Variants in RERE observed in about 807,000 individuals in gnomAD.
RERE encodes arginine-glutamic acid dipeptide repeats protein.
RERE carries 40 observed loss-of-function variants against 146.1 expected under a neutral mutation model. The ratio of observed to expected loss-of-function variants is 0.27; its 90% CI spans 0.21 to 0.36. The LOEUF (loss-of-function observed/expected upper bound fraction) is 0.36, where lower values mean the gene tolerates loss of function less well. Among genes scored for constraint, RERE ranks in the 10% least tolerant of loss-of-function variants. RERE has a pLI of 1.00. For synonymous variants in RERE, 1,003 were observed against 866.0 expected, an observed-to-expected ratio of 1.16 and a Z score of -2.78; for missense variants, 1,933 against 2,138.7, an observed-to-expected ratio of 0.90 and a Z score of 1.90.
intron 4 of RERE, among the ~76,000 whole-genome samples, chr1:8,587,855 C>T (rs547680324): frequency 6.6e-6 from 1 of 152,308 alleles, no homozygotes; most frequent in Non-Finnish European, 1.5e-5. Context: ...ACCTTAAAAG[C>T]TCGTACTTTG....
At chr1:8,586,968 A>G (rs1236762243) in intron 4 of RERE, among the ~76,000 whole-genome samples, 2 of 152,200 alleles carry the variant, frequency 1.3e-5, no homozygotes, top group African/African-American at 4.8e-5. Context: ...AAATTTAAGA[A>G]TAATTCGGAA....
intron 12 of RERE, among the ~76,000 whole-genome samples, chr1:8,374,988 C>T (rs1642185117): frequency 6.6e-6 from 1 of 152,158 alleles, no homozygotes; most frequent in Non-Finnish European, 1.5e-5. Flanking sequence ...CACTCCCCCA[C>T]CACTGGATGG....
intron 1 of RERE, among the ~76,000 whole-genome samples, chr1:8,683,592 A>G (rs1283016433): frequency 6.6e-6 from 1 of 152,184 alleles, no homozygotes; most frequent in Non-Finnish European, 1.5e-5. Context: ...CACAGAAAAT[A>G]TTCATTTATG....
intron 11 of RERE, 78 bp downstream of exon 11, chr1:8,465,847 A>G: frequency 8.4e-7 from 1 of 1,192,164 alleles, no homozygotes; most frequent in Non-Finnish European, 1.2e-6. Flanking sequence ...GCTTTCCCTG[A>G]GCAGCAGGGA....
chr1:8,664,442 AC>A (rs999263300), intron 1 of RERE, among the ~76,000 whole-genome samples: 2 of 152,174 alleles, frequency 1.3e-5, no homozygotes, highest in Non-Finnish European at 2.9e-5. Context: ...GAGGATCCAC[AC>A]AAGTACATGT....
chr1:8,650,859 T>C (rs1203353719), intron 2 of RERE, among the ~76,000 whole-genome samples: 1 of 151,154 alleles, frequency 6.6e-6, no homozygotes, highest in Non-Finnish European at 1.5e-5. Context: ...ATCGCACCAC[T>C]GCCCTCCAGC....
At chr1:8,786,875 GCTTTTT>G in intron 1 of RERE, 1 of 983,726 alleles carries the variant, frequency 1.0e-6, no homozygotes, top group Non-Finnish European at 1.6e-6. Flanking sequence ...AAATTCCTTT[GCTTTTT>G]CTTAAGGGTT....
At chr1:8,394,881 TTA>T (rs1643000445) in intron 12 of RERE, among the ~76,000 whole-genome samples, 1 of 152,202 alleles carries the variant, frequency 6.6e-6, no homozygotes. Context: ...GATTAATACT[TTA>T]AGGGGAGAGA....
intron 10 of RERE, among the ~76,000 whole-genome samples, chr1:8,479,263 C>A (rs1005587435): frequency 1.3e-5 from 2 of 151,756 alleles, no homozygotes; most frequent in African/African-American, 4.8e-5. Flanking sequence ...CAAGTCACAA[C>A]AGATGCAAAA....
Position 8,423,130 on chromosome 1 carries a change from T to A in RERE, c.1204-323A>T. On this transcript the variant is annotated intron_variant, in intron 11 of 22. Transcript: ENST00000400908. This position sits in a 1 kb window ranked among gnomAD's most constrained non-coding sequence, Gnocchi z 5.4. ...ATTCTGGTGCACGAAGGTATAAATATGCTCCATGTTTTAATAAAACACAAC... is the reference window on the plus strand; with the variant it reads ...ATTCTGGTGCACGAAGGTATAAATAAGCTCCATGTTTTAATAAAACACAAC... 1 of 258,324 alleles carries A rather than the reference T, an allele frequency of 3.9e-6. No homozygotes were observed. Among genetic ancestry groups the A allele is most frequent in the Non-Finnish European group, 7.7e-6 (1 of 130,594 alleles). The allele number at this position is 258,324 out of a possible 1,614,324, so 16.0% of individuals were successfully genotyped here. A position where few individuals can be genotyped will look rare whatever the true frequency, so the allele number is the denominator to read the frequency against.
At chr1:8,697,264 T>C (rs939384679) in intron 1 of RERE, among the ~76,000 whole-genome samples, 3 of 152,016 alleles carry the variant, frequency 2.0e-5, no homozygotes, top group Admixed American at 1.3e-4. Flanking sequence ...CAGTAAGAAA[T>C]AAACAGCAAA....
intron 12 of RERE, among the ~76,000 whole-genome samples, chr1:8,418,344 C>G (rs773017120): frequency 6.6e-6 from 1 of 152,150 alleles, no homozygotes; most frequent in African/African-American, 2.4e-5. Flanking sequence ...AAGAAAGAGA[C>G]GAGAAAGACA....
chr1:8,727,238 G>T (rs1047027741), intron 1 of RERE, among the ~76,000 whole-genome samples: 4 of 152,154 alleles, frequency 2.6e-5, no homozygotes, highest in Non-Finnish European at 4.4e-5. Flanking sequence ...CGCCTCCAGG[G>T]TTCAAGCGAT....
At chr1:8,393,137 C>T (rs1642942096) in intron 12 of RERE, among the ~76,000 whole-genome samples, 2 of 152,192 alleles carry the variant, frequency 1.3e-5, no homozygotes, top group Non-Finnish European at 2.9e-5. Flanking sequence ...AAGACTCAAC[C>T]TACCAAGAAG....
Position 8,465,943 on chromosome 1 carries a change from G to C in RERE, c.1185C>G (p.Cys395Trp), listed in dbSNP as rs1443593742. ...KKPVPKLIEKCWTEDEVKRFV... is the reference protein window; with the variant it reads ...KKPVPKLIEKWWTEDEVKRFV... ...TGCTCACCACTTCGTCCTCGGTCCAGCACTTCTCGATGAGCTTGGGCACAG... is the reference window on the plus strand; with the variant it reads ...TGCTCACCACTTCGTCCTCGGTCCACCACTTCTCGATGAGCTTGGGCACAG... The change falls in exon 11 of 23, where the codon TGC (cysteine) becomes TGG (tryptophan). Residue 395 changes from cysteine (C) to tryptophan (W), a missense_variant. Physicochemically the swap from Cys to Trp is radical, Grantham distance 215 (BLOSUM62 -2). Around this residue, in one of 11 missense-constraint regions of RERE, gnomAD observed 260 missense variants for 378.4 expected, o/e 0.69. Coordinates refer to ENST00000400908, the MANE Select transcript of RERE (RefSeq NM_001042681.2). The C allele has an allele frequency of 6.2e-7, 1 of 1,614,138 alleles. No homozygotes were observed. Among genetic ancestry groups the C allele is most frequent in the South Asian group, 1.1e-5 (1 of 91,082 alleles).
chr1:8,508,595 C>A, intron 8 of RERE, 32 bp downstream of exon 8: 1 of 1,540,848 alleles, frequency 6.5e-7, no homozygotes, highest in Non-Finnish European at 9.0e-7. Flanking sequence ...GAAACAAAAA[C>A]CTATTAAGGA....
chr1:8,501,957 C>T (rs1208511489), intron 8 of RERE, among the ~76,000 whole-genome samples: 4 of 101,668 alleles, frequency 3.9e-5, no homozygotes, highest in Admixed American at 8.9e-5. Context: ...GCCCCCCGCC[C>T]GGCCAGCCGC....
intron 4 of RERE, among the ~76,000 whole-genome samples, chr1:8,605,281 T>C (rs1036095867): frequency 4.6e-5 from 7 of 152,134 alleles, no homozygotes; most frequent in Admixed American, 1.3e-4. Flanking sequence ...TACAGGCACA[T>C]GCCACCATGC....
At chr1:8,551,304 T>C (rs916015117) in intron 6 of RERE, among the ~76,000 whole-genome samples, 24 of 152,166 alleles carry the variant, frequency 1.6e-4, no homozygotes, top group Admixed American at 4.6e-4. Flanking sequence ...ATGTCCTCAG[T>C]CCAATCACAA....
Sources: allele counts gnomAD v4.1 joint callset (sites outside exome capture counted in the v4.1 genomes callset), GRCh38; gene constraint gnomAD v4.1.1; regional missense constraint gnomAD v4.1.1; non-coding constraint Gnocchi (gnomAD v3.1); transcripts MANE v1.5; gene names NCBI Gene and HGNC (gene_info 2026-07-23, HGNC 2026-07-21).